The following GREB1L variants were observed in gnomAD, a reference collection of about 807,000 sequenced individuals.
GREB1L encodes the protein GREB1 like retinoic acid receptor coactivator.
A neutral mutation model predicts 200.8 loss-of-function variants in GREB1L; 17 were observed. The observed-to-expected ratio is 0.08, with a 90% CI of 0.06 to 0.13. The LOEUF is 0.13. Ranked by LOEUF, GREB1L falls within the 10% of genes least tolerant of loss-of-function variation. The pLI, the probability that GREB1L is intolerant of heterozygous loss-of-function variation, is 1.00. For synonymous variants in GREB1L, 789 were observed against 893.0 expected (o/e 0.88, Z 2.08); for missense variants, 1,657 against 2,367.7 (o/e 0.70, Z 6.23).
At chr18:21,466,769 G>A (rs1207957002) in intron 15 of GREB1L, among the ~76,000 whole-genome samples, 1 of 152,072 alleles carries the variant, frequency 6.6e-6, no homozygotes, top group East Asian at 1.9e-4. Flanking sequence ...AAATTCATGT[G>A]GAAATTTGAG....
intron 31 of GREB1L, among the ~76,000 whole-genome samples, chr18:21,518,605 A>T (rs2037505959): frequency 6.6e-6 from 1 of 152,154 alleles, no homozygotes; most frequent in Non-Finnish European, 1.5e-5. Context: ...TTATACTGTA[A>T]TTATGTGGGT....
chr18:21,500,335 T>G (rs1359077946), intron 22 of GREB1L, 29 bp downstream of exon 22: 5 of 1,004,920 alleles, frequency 5.0e-6, no homozygotes, highest in Non-Finnish European at 6.0e-6. Context: ...GGGCCGTTTC[T>G]TAGGCTGGGG....
chr18:21,268,042 C>T (rs2038000655), intron 1 of GREB1L, among the ~76,000 whole-genome samples: 3 of 152,104 alleles, frequency 2.0e-5, no homozygotes, highest in South Asian at 2.1e-4. Context: ...GGGTCTTTTG[C>T]CCCCTGATTT....
In GREB1L at chr18:21,477,248, T is replaced by C; in HGVS notation, c.2448T>C (p.Ala816=). Residue 816 remains alanine (A), a synonymous_variant, in exon 17 of 33, where the codon GCT becomes GCC. Transcript: ENST00000424526. ...TTAATTGCAGAGAAGTTCTGGAAGCTTTCAACCTCCTGGTGCTCCAGGTCA... is the reference window on the plus strand; with the variant it reads ...TTAATTGCAGAGAAGTTCTGGAAGCCTTCAACCTCCTGGTGCTCCAGGTCA... ...RVINCREVLE[A]FNLLVLQVSS... is the part of the protein sequence containing the mutation. The C allele has an allele frequency of 1.3e-6, 2 of 1,551,936 alleles. No individual in the cohort carries two copies. Among genetic ancestry groups the C allele is most frequent in the Non-Finnish European group, 1.7e-6 (2 of 1,147,004 alleles).
chr18:21,385,137 A>G (rs1242404889), intron 4 of GREB1L, among the ~76,000 whole-genome samples: 1 of 152,182 alleles, frequency 6.6e-6, no homozygotes, highest in Non-Finnish European at 1.5e-5. Context: ...TAGTTCATGA[A>G]TAATACTTTG....
At chr18:21,468,809 C>T in intron 15 of GREB1L, 1 of 456,462 alleles carries the variant, frequency 2.2e-6, no homozygotes, top group Non-Finnish European at 4.4e-6. Context: ...TCTTTCCTGG[C>T]TTTTCATGAC....
At chr18:21,441,172 C>A (rs1399658073) in intron 9 of GREB1L, among the ~76,000 whole-genome samples, 1 of 152,074 alleles carries the variant, frequency 6.6e-6, no homozygotes, top group Admixed American at 6.6e-5. Context: ...GAAGGAAAAT[C>A]AGCAAAATGC....
intron 1 of GREB1L, among the ~76,000 whole-genome samples, chr18:21,247,161 C>T (rs2037618131): frequency 6.6e-6 from 1 of 152,150 alleles, no homozygotes; most frequent in Non-Finnish European, 1.5e-5. Context: ...GCAACTCCTT[C>T]AAGTCCAGAT....
intron 1 of GREB1L, among the ~76,000 whole-genome samples, chr18:21,310,029 C>T (rs527873838): frequency 1.3e-5 from 2 of 152,286 alleles, no homozygotes; most frequent in Admixed American, 6.5e-5. Flanking sequence ...ATGTTCTATA[C>T]AGTAGTCATT....
chr18:21,491,802 AAT>A (rs1207382197), intron 19 of GREB1L, among the ~76,000 whole-genome samples: 1 of 152,164 alleles, frequency 6.6e-6, no homozygotes, highest in African/African-American at 2.4e-5. Flanking sequence ...ATGCAGACAA[AAT>A]ATCTTGTATT....
At chr18:21,300,322 ATGAAGTTGATTT>A (rs2038597594) in intron 1 of GREB1L, among the ~76,000 whole-genome samples, 2 of 152,206 alleles carry the variant, frequency 1.3e-5, no homozygotes, top group African/African-American at 4.8e-5. Context: ...GAACCCAAAC[ATGAAGTTGATTT>A]TGAAGTTGTC....
rs575711403 is a variant in GREB1L at position 21,499,111 on chromosome 18, G to A, written c.3392-618G>A. Reference sequence around the variant, plus strand: ...GCAGGGCATCCCCCACCCTAGCTTCGGAGTCCATGGAAGGGGTTGCAGTCT... The same window carrying A: ...GCAGGGCATCCCCCACCCTAGCTTCAGAGTCCATGGAAGGGGTTGCAGTCT... On this transcript the variant is annotated intron_variant, in intron 21 of 32. Coordinates refer to ENST00000424526, the MANE Select transcript of GREB1L (RefSeq NM_001142966.3). Among the ~76,000 whole-genome samples, 4 of 152,258 alleles carry A rather than the reference G, an allele frequency of 2.6e-5. No individual in the cohort carries two copies. In the South Asian group the frequency reaches 8.3e-4, roughly 32 times the overall value.
chr18:21,361,378 A>G (rs955458679), intron 1 of GREB1L, among the ~76,000 whole-genome samples: 3 of 152,190 alleles, frequency 2.0e-5, no homozygotes, highest in African/African-American at 7.2e-5. Flanking sequence ...TTGAGTACAG[A>G]GTGTTCCTGC....
chr18:21,345,652 C>T (rs2039333655), intron 1 of GREB1L, among the ~76,000 whole-genome samples: 1 of 152,028 alleles, frequency 6.6e-6, no homozygotes, highest in African/African-American at 2.4e-5. Context: ...GTGGGTGGAT[C>T]ACTTGAGGTC....
intron 1 of GREB1L, among the ~76,000 whole-genome samples, chr18:21,341,410 G>A (rs2039267934): frequency 6.6e-6 from 1 of 152,156 alleles, no homozygotes; most frequent in Admixed American, 6.5e-5. Context: ...CTTGATTTCT[G>A]TACTTCCCTT....
intron 1 of GREB1L, among the ~76,000 whole-genome samples, chr18:21,274,399 C>T (rs1345064286): frequency 6.6e-6 from 1 of 151,928 alleles, no homozygotes; most frequent in Non-Finnish European, 1.5e-5. Context: ...TACACACACA[C>T]AAACAACACA....
At chr18:21,519,986 TCTCGGCTCAGTGCAAC>T (rs1019564111) in intron 31 of GREB1L, among the ~76,000 whole-genome samples, 12 of 151,482 alleles carry the variant, frequency 7.9e-5, no homozygotes, top group East Asian at 2.0e-4. Flanking sequence ...AATGGTGCAA[TCTCGGCTCAGTGCAAC>T]CTCGGCTCAG....
chr18:21,496,673 C>T lies in GREB1L; in HGVS notation c.3366C>T (p.Asn1122=). Residue 1122 remains asparagine, a synonymous_variant, in exon 21 of 33, where the codon AAC becomes AAT. Transcript: ENST00000424526. ...TCGACCTGGAGCGGCCCCAGAGCAA[C>T]AGCAGCGCTGTCACAGGGACCTCGG... ...LLIDLERPQS[N]SSAVTGTSGS... 1 of 1,551,604 alleles carries T rather than the reference C, an allele frequency of 6.4e-7. No homozygotes were observed.
chr18:21,392,030 G>A (rs1490306948), intron 4 of GREB1L, among the ~76,000 whole-genome samples: 1 of 152,120 alleles, frequency 6.6e-6, no homozygotes, highest in African/African-American at 2.4e-5. Context: ...GGCTGGACTC[G>A]AACTCCTGAC....
Sources: allele counts gnomAD v4.1 joint callset (sites outside exome capture counted in the v4.1 genomes callset), GRCh38; gene constraint gnomAD v4.1.1; transcripts MANE v1.5; gene names NCBI Gene and HGNC (gene_info 2026-07-23, HGNC 2026-07-21).